ASXL3: variants seen among roughly 807,000 people sequenced by gnomAD.
ASXL3 encodes putative Polycomb group protein ASXL3.
Under a neutral mutation model 170.6 loss-of-function variants are expected in ASXL3, and 34 were observed. The ratio of observed to expected loss-of-function variants is 0.20; its 90% CI spans 0.15 to 0.27. The LOEUF is 0.27. ASXL3 is among the 10% of genes least tolerant of loss of function. The pLI is 1.00. For synonymous variants in ASXL3, 1,002 were observed against 989.1 expected (o/e 1.01, Z -0.24); for missense variants, 2,592 against 2,695.3 (o/e 0.96, Z 0.85).
chr18:33,734,261 G>A (rs1483071767), intron 9 of ASXL3, 49 bp from the exon 10 acceptor site: 3 of 1,300,566 alleles, frequency 2.3e-6, no homozygotes, highest in Middle Eastern at 1.9e-4. Flanking sequence ...TTATTAATTA[G>A]CAAAAGATGT....
At chr18:33,582,918 A>G (rs1182570771) in intron 1 of ASXL3, among the ~76,000 whole-genome samples, 1 of 152,216 alleles carries the variant, frequency 6.6e-6, no homozygotes, top group Non-Finnish European at 1.5e-5. Flanking sequence ...ACTGAACAAA[A>G]GATTCACACA....
rs1205340342 is a variant in ASXL3 at position 33,746,872 on chromosome 18, TTTTG to T, written c.*281_*284del. ...ATGTGTATACAAGTCAATGCCCCAT[TTTTG>T]TTTTTCTTTTAACCGAGGTGTAGAT... On this transcript the variant is annotated 3_prime_UTR_variant, in exon 12 of 12. Coordinates refer to ENST00000269197, the MANE Select transcript of ASXL3 (RefSeq NM_030632.3). 8.3e-6 allele frequency: 3 copies of T among 359,522 alleles called. No individual in the cohort carries two copies. The highest frequency in any genetic ancestry group is 6.3e-5 in the African/African-American group (3 of 47,784). 22.3% of individuals were successfully genotyped at this position (359,522 alleles called of 1,614,324 possible).
In ASXL3 at chr18:33,691,275, C is replaced by T. The variant is rs575566159; in HGVS notation, c.879+7707C>T. On this transcript the variant is annotated intron_variant, in intron 8 of 11. Transcript: ENST00000269197. ...TCTGCCCGTGGTCTGATAAGCCCTG[C>T]GTCCCTTCACACTTCAGGTCACACA... Among the ~76,000 whole-genome samples the T allele has an allele frequency of 2.1e-4, 32 of 152,122 alleles. No homozygotes were observed. The East Asian group carries it at 2.1e-3, about 10-fold the overall frequency.
intron 2 of ASXL3, among the ~76,000 whole-genome samples, chr18:33,629,446 C>T (rs570827351): frequency 1.3e-5 from 2 of 152,178 alleles, no homozygotes; most frequent in Admixed American, 1.3e-4. Context: ...TGAAGGGAAA[C>T]AGAAGAATAT....
intron 7 of ASXL3, among the ~76,000 whole-genome samples, chr18:33,673,917 A>G (rs555815201): frequency 6.6e-5 from 10 of 152,322 alleles, no homozygotes; most frequent in Non-Finnish European, 1.0e-4. Flanking sequence ...GCTTTGTTCT[A>G]GACTACAAAG....
At position 33,607,672 on chromosome 18, in the gene ASXL3, A is replaced by G; in HGVS notation, c.133A>G (p.Thr45Ala). The change falls in exon 2 of 12, where the codon ACA becomes GCA. Residue 45 changes from threonine to alanine, a missense_variant. Transcript: ENST00000269197. ...CATTCAGAAAGAAGGGTTAAAAGAA[A>G]CAAGGTCAGTATCCATATTTAAAAC... is the stretch of plus-strand genomic sequence containing the variant. Reference protein sequence around the residue: ...EVIQKEGLKETSGTSPLACLN... With the variant: ...EVIQKEGLKEASGTSPLACLN... The G allele has an allele frequency of 6.4e-7, 1 of 1,573,828 alleles. No individual in the cohort carries two copies. Among genetic ancestry groups the G allele is most frequent in the Non-Finnish European group, 8.6e-7 (1 of 1,157,912 alleles).
At chr18:33,714,304 A>G (rs1287162568) in intron 8 of ASXL3, among the ~76,000 whole-genome samples, 2 of 152,118 alleles carry the variant, frequency 1.3e-5, no homozygotes, top group South Asian at 2.1e-4. Flanking sequence ...CACGTTGCCA[A>G]GGGCTCAAAT....
chr18:33,745,950 TCC>T lies in ASXL3; in HGVS notation c.6109_6110del (p.Pro2037ThrfsTer10). On this transcript the variant is annotated frameshift_variant, in exon 12 of 12. Transcript: ENST00000269197. LOFTEE classifies it high-confidence loss of function. ...PPPPLALPPP[P>X]PPPPPLPPPL... Reference sequence around the variant, plus strand: ...CTCCACCCTTGGCTTTGCCCCCGCCTCCCCCCCCACCACCTCCGCTACCTCCA... The same window carrying T: ...CTCCACCCTTGGCTTTGCCCCCGCCTCCCCCCACCACCTCCGCTACCTCCA... 3.2e-6 allele frequency: 1 copy of T among 308,852 alleles called. No homozygotes were observed. The highest frequency in any genetic ancestry group is 4.3e-6 in the Non-Finnish European group (1 of 233,290). 19.1% of individuals were successfully genotyped at this position (308,852 alleles called of 1,614,324 possible). A position where few individuals can be genotyped will look rare whatever the true frequency, so the allele number is the denominator to read the frequency against.
intron 8 of ASXL3, among the ~76,000 whole-genome samples, chr18:33,687,217 G>A (rs1440132613): frequency 6.6e-6 from 1 of 152,090 alleles, no homozygotes; most frequent in African/African-American, 2.4e-5. Flanking sequence ...GCTCAAGGTG[G>A]GCTCAACCCT....
chr18:33,734,817 AT>A (rs2067517145), intron 10 of ASXL3, among the ~76,000 whole-genome samples: 1 of 152,164 alleles, frequency 6.6e-6, no homozygotes, highest in African/African-American at 2.4e-5. Context: ...TGTCTAATGC[AT>A]TTTAATCTTT....
chr18:33,674,407 C>G, intron 7 of ASXL3, among the ~76,000 whole-genome samples: 1 of 152,180 alleles, frequency 6.6e-6, no homozygotes, highest in South Asian at 2.1e-4. Context: ...AGTTGAAGTA[C>G]AATTCTGTCA....
intron 8 of ASXL3, among the ~76,000 whole-genome samples, chr18:33,700,158 A>G (rs9304127): frequency 0.56 from 84,547 of 151,772 alleles, 23,942 homozygotes; most frequent in East Asian, 0.87. Context: ...TTATTTTTTC[A>G]TGTGGCAGAG....
At chr18:33,700,219 C>G (rs922023281) in intron 8 of ASXL3, among the ~76,000 whole-genome samples, 1 of 151,814 alleles carries the variant, frequency 6.6e-6, no homozygotes, top group African/African-American at 2.4e-5. Context: ...TGAGAGGGAG[C>G]AATTAAGTAA....
At chr18:33,620,461 C>A (rs1046063395) in intron 2 of ASXL3, among the ~76,000 whole-genome samples, 1 of 152,070 alleles carries the variant, frequency 6.6e-6, no homozygotes. Context: ...TCCCCCACTA[C>A]GAGAAGGAAA....
intron 8 of ASXL3, among the ~76,000 whole-genome samples, chr18:33,688,255 T>TG (rs1386637957): frequency 2.6e-4 from 40 of 152,280 alleles, no homozygotes; most frequent in Middle Eastern, 3.4e-3. Flanking sequence ...GGTGCACTTG[T>TG]GGTAGAGGTC....
intron 8 of ASXL3, among the ~76,000 whole-genome samples, chr18:33,689,079 C>T (rs893290365): frequency 1.2e-4 from 18 of 152,016 alleles, no homozygotes; most frequent in South Asian, 2.1e-4. Flanking sequence ...CAGCAACATC[C>T]GCCTCCCGGG....
Position 33,738,712 on chromosome 18 carries a change from A to T in ASXL3, c.1308A>T (p.Glu436Asp), listed in dbSNP as rs1369205323. ...TTCCACCTAAAGATATAATGGCAGA[A>T]TTGGAGTCAGAGGATATCTTGATCC... Reference protein sequence around the residue: ...VEIPPKDIMAELESEDILIPE... With the variant: ...VEIPPKDIMADLESEDILIPE... The change falls in exon 11 of 12, where the codon GAA (glutamate) becomes GAT (aspartate). Residue 436 changes from glutamate to aspartate, a missense_variant. Physicochemically the swap from Glu to Asp is conservative, Grantham distance 45. Around this residue, in one of 4 missense-constraint regions of ASXL3, gnomAD observed 2,246 missense variants for 2,219.6 expected, o/e 1.01. Coordinates refer to ENST00000269197, the MANE Select transcript of ASXL3 (RefSeq NM_030632.3). The T allele has an allele frequency of 6.2e-7, 1 of 1,613,888 alleles. No homozygotes were observed. The highest frequency in any genetic ancestry group is 1.3e-5 in the African/African-American group (1 of 74,930).
At chr18:33,666,630 G>A (rs4799707) in intron 5 of ASXL3, among the ~76,000 whole-genome samples, 94,603 of 151,994 alleles carry the variant, frequency 0.62, 30,173 homozygotes, top group East Asian at 0.89. Flanking sequence ...ATAAAGTAAA[G>A]TAGGAATTTT....
chr18:33,591,610 A>G (rs1027801060), intron 1 of ASXL3, among the ~76,000 whole-genome samples: 2 of 150,980 alleles, frequency 1.3e-5, no homozygotes, highest in Admixed American at 1.3e-4. Flanking sequence ...TAGATATTGC[A>G]TTTCCTTTCG....
Sources: allele counts gnomAD v4.1 joint callset (sites outside exome capture counted in the v4.1 genomes callset), GRCh38; gene constraint gnomAD v4.1.1; regional missense constraint gnomAD v4.1.1; transcripts MANE v1.5; gene names NCBI Gene and HGNC (gene_info 2026-07-23, HGNC 2026-07-21).